The following PIK3C2G variants were observed in gnomAD, a reference collection of about 807,000 sequenced individuals.
PIK3C2G encodes the protein phosphatidylinositol 3-kinase C2 domain-containing subunit gamma.
Under a neutral mutation model 181.1 loss-of-function variants are expected in PIK3C2G, and 168 were observed. The ratio of observed to expected loss-of-function variants is 0.93; its 90% CI spans 0.82 to 1.05. The LOEUF (loss-of-function observed/expected upper bound fraction) is 1.05. PIK3C2G is among the 50% of genes least tolerant of loss of function. The pLI is 0.00. For synonymous variants in PIK3C2G, 573 were observed against 592.2 expected, an observed-to-expected ratio of 0.97 and a Z score of 0.47; for missense variants, 1,869 against 1,732.8, an observed-to-expected ratio of 1.08 and a Z score of -1.40.
At chr12:18,442,945 C>T (rs1000396909) in intron 18 of PIK3C2G, among the ~76,000 whole-genome samples, 9 of 151,634 alleles carry the variant, frequency 5.9e-5, no homozygotes, top group Non-Finnish European at 8.8e-5. Flanking sequence ...AATCTCGGCT[C>T]ACTGCAAACT....
intron 8 of PIK3C2G, among the ~76,000 whole-genome samples, chr12:18,330,069 T>C (rs745744576): frequency 1.3e-5 from 2 of 152,154 alleles, no homozygotes; most frequent in Non-Finnish European, 2.9e-5. Flanking sequence ...TTTATATATT[T>C]ACCCTTCCTT....
At chr12:18,711,957 G>A in the PIK3C2G span, among the ~76,000 whole-genome samples, 1 of 151,896 alleles carries the variant, frequency 6.6e-6, no homozygotes, top group African/African-American at 2.4e-5. Context: ...TATTTATTTT[G>A]TACTCCATTT....
At chr12:18,537,284 TG>T (rs1327306132) in intron 24 of PIK3C2G, among the ~76,000 whole-genome samples, 1 of 152,116 alleles carries the variant, frequency 6.6e-6, no homozygotes, top group African/African-American at 2.4e-5. Flanking sequence ...CTTTTTAAAT[TG>T]CTACTTGGTC....
At chr12:18,244,112 G>A (rs530267239), upstream of PIK3C2G, among the ~76,000 whole-genome samples, 31 of 151,938 alleles carry the variant, frequency 2.0e-4, no homozygotes, top group Non-Finnish European at 3.2e-4. Flanking sequence ...TTGTCAAAAT[G>A]ATCTTGGTAA....
chr12:18,690,110 T>C, the PIK3C2G span, among the ~76,000 whole-genome samples: 1 of 152,224 alleles, frequency 6.6e-6, no homozygotes, highest in Non-Finnish European at 1.5e-5. Flanking sequence ...TCTTTACTAT[T>C]CATAACAGGA....
chr12:18,263,088 T>C (rs1948318551), intron 1 of PIK3C2G, among the ~76,000 whole-genome samples: 1 of 152,196 alleles, frequency 6.6e-6, no homozygotes, highest in Non-Finnish European at 1.5e-5. Flanking sequence ...TTCAAGAGTT[T>C]TTCAGCTATA....
intron 4 of PIK3C2G, among the ~76,000 whole-genome samples, chr12:18,292,878 GACTTACAGTCATTAAGGGC>G (rs1323269170): frequency 6.6e-6 from 1 of 152,148 alleles, no homozygotes; most frequent in East Asian, 1.9e-4. Flanking sequence ...CAACTGTGGA[GACTTACAGTCATTAAGGGC>G]ACAGGCCTTG....
intron 13 of PIK3C2G, among the ~76,000 whole-genome samples, chr12:18,376,264 C>A (rs2137918780): frequency 6.6e-6 from 1 of 152,278 alleles, no homozygotes; most frequent in East Asian, 1.9e-4. Context: ...TATCCGTGTG[C>A]TTGGAATGTG....
intron 15 of PIK3C2G, among the ~76,000 whole-genome samples, chr12:18,393,256 T>C (rs1943649325): frequency 1.3e-5 from 2 of 152,066 alleles, no homozygotes; most frequent in South Asian, 4.1e-4. Context: ...TAAGCAACAT[T>C]TTCCTCTGTT....
At chr12:18,427,480 TG>T (rs1945893922) in intron 18 of PIK3C2G, among the ~76,000 whole-genome samples, 3 of 140,438 alleles carry the variant, frequency 2.1e-5, no homozygotes, top group African/African-American at 7.9e-5. Flanking sequence ...CAGCCTGGGC[TG>T]ACAACAGCGA....
At chr12:18,391,381 A>G (rs902303803) in intron 15 of PIK3C2G, 129 bp downstream of exon 15, 5 of 571,422 alleles carry the variant, frequency 8.8e-6, no homozygotes, top group Non-Finnish European at 1.4e-5. Flanking sequence ...TCCTGATGTC[A>G]TGCTTCTTGG....
intron 8 of PIK3C2G, among the ~76,000 whole-genome samples, chr12:18,326,094 G>C (rs1309930236): frequency 1.3e-5 from 2 of 152,172 alleles, no homozygotes; most frequent in Non-Finnish European, 2.9e-5. Context: ...GTGAAATTAT[G>C]TGCCTAGAAT....
chr12:18,489,917 A>G (rs1940400772), intron 19 of PIK3C2G, among the ~76,000 whole-genome samples: 1 of 152,126 alleles, frequency 6.6e-6, no homozygotes, highest in South Asian at 2.1e-4. Flanking sequence ...ACTCAGGTAA[A>G]TATATTTATC....
At chr12:18,574,691 A>G (rs1845446548) in intron 29 of PIK3C2G, among the ~76,000 whole-genome samples, 1 of 152,224 alleles carries the variant, frequency 6.6e-6, no homozygotes, top group African/African-American at 2.4e-5. Context: ...ACATACAGAC[A>G]TATTTCAAAG....
chr12:18,303,100 C>CTCTTTTTCTTTCTT (rs1555153498), intron 5 of PIK3C2G, among the ~76,000 whole-genome samples: 2 of 75,066 alleles, frequency 2.7e-5, no homozygotes, highest in South Asian at 5.2e-4. Flanking sequence ...TCTTTTCTTT[C>CTCTTTTTCTTTCTT]TCTTTCTTTC....
At chr12:18,331,440 AT>A (rs1436069101) in intron 8 of PIK3C2G, among the ~76,000 whole-genome samples, 2 of 152,004 alleles carry the variant, frequency 1.3e-5, no homozygotes, top group Admixed American at 1.3e-4. Context: ...TTTAAATAAT[AT>A]TTTTATATTA....
rs34596531 is a variant in PIK3C2G, at chr12:18,601,718, G to GA, written c.4087+7155dup. 6.6e-5 allele frequency among the ~76,000 whole-genome samples: 10 copies of GA among 151,970 alleles called. 1 individual carries two copies. The highest frequency in any genetic ancestry group is 5.2e-4 in the Admixed American group (8 of 15,256). On this transcript the variant is annotated intron_variant, in intron 30 of 32. Transcript: ENST00000538779. ...ACCAATGTCATTTTTCACAGAGTTT[G>GA]AAAAAACTATTCTAAAATTCATGTG...
At chr12:18,445,086 A>G (rs993512784) in intron 18 of PIK3C2G, among the ~76,000 whole-genome samples, 10 of 152,100 alleles carry the variant, frequency 6.6e-5, no homozygotes, top group African/African-American at 2.2e-4. Flanking sequence ...AGCTGAGGGG[A>G]AAAAAATGGA....
chr12:18,380,679 C>A (rs1942777854), intron 13 of PIK3C2G, among the ~76,000 whole-genome samples: 1 of 152,150 alleles, frequency 6.6e-6, no homozygotes, highest in African/African-American at 2.4e-5. Flanking sequence ...CAAGAATATT[C>A]TTGAGTCATA....
Sources: allele counts gnomAD v4.1 joint callset (sites outside exome capture counted in the v4.1 genomes callset), GRCh38; gene constraint gnomAD v4.1.1; transcripts MANE v1.5; gene names NCBI Gene and HGNC (gene_info 2026-07-23, HGNC 2026-07-21).